The following LMO1 variants were observed in gnomAD, a reference collection of about 807,000 sequenced individuals.
LMO1 encodes rhombotin-1.
LMO1 carries 10 observed loss-of-function variants against 18.0 expected under a neutral mutation model. That is an observed-to-expected ratio of 0.55 (90% CI 0.34 to 0.94). The LOEUF (loss-of-function observed/expected upper bound fraction) is 0.94, where lower values mean the gene tolerates loss of function less well. Ranked by LOEUF, LMO1 falls within the 40% of genes least tolerant of loss-of-function variation. LMO1 has a pLI of 0.02. For missense variants in LMO1, 183 were observed against 205.7 expected (o/e 0.89, Z 0.68); for synonymous variants, 77 against 77.9 (o/e 0.99, Z 0.06).
At chr11:8,246,337 T>C (rs1424525400) in intron 1 of LMO1, among the ~76,000 whole-genome samples, 3 of 152,170 alleles carry the variant, frequency 2.0e-5, no homozygotes, top group Non-Finnish European at 4.4e-5. Context: ...GGTATATACA[T>C]ACAATGGAAT....
intron 1 of LMO1, among the ~76,000 whole-genome samples, chr11:8,239,549 CAGG>C (rs1209138496): frequency 6.6e-6 from 1 of 152,042 alleles, no homozygotes; most frequent in Admixed American, 6.6e-5. Flanking sequence ...CACACGTCCT[CAGG>C]AGGAGGCTGG....
intron 1 of LMO1, among the ~76,000 whole-genome samples, chr11:8,239,036 A>C (rs151315847): frequency 1.3e-5 from 2 of 152,168 alleles, no homozygotes; most frequent in African/African-American, 4.8e-5. Context: ...GCACTAAATG[A>C]TTACCCCCAT....
chr11:8,226,002 C>T (rs1952532773), intron 3 of LMO1, among the ~76,000 whole-genome samples: 1 of 152,164 alleles, frequency 6.6e-6, no homozygotes, highest in African/African-American at 2.4e-5. Context: ...GAGTTGGGGC[C>T]AAGAGACCAG....
chr11:8,237,747 T>C (rs980313536), intron 1 of LMO1, among the ~76,000 whole-genome samples: 1 of 152,224 alleles, frequency 6.6e-6, no homozygotes, highest in South Asian at 2.1e-4. Context: ...GTCAGCTCAG[T>C]AGAGGGACTG....
At chr11:8,268,656 CGCG>C (rs971189411), upstream of LMO1, 18 of 318,654 alleles carry the variant, frequency 5.6e-5, no homozygotes, top group African/African-American at 2.6e-4. Context: ...GGGGGGAAGG[CGCG>C]GGGGCGAGAC....
At chr11:8,257,533 G>C (rs1188276988) in intron 1 of LMO1, among the ~76,000 whole-genome samples, 1 of 152,254 alleles carries the variant, frequency 6.6e-6, no homozygotes, top group African/African-American at 2.4e-5. Flanking sequence ...GCTGTAATCA[G>C]AGTTTTCTAC....
chr11:8,237,983 T>C (rs1206330451), intron 1 of LMO1, among the ~76,000 whole-genome samples: 2 of 152,244 alleles, frequency 1.3e-5, no homozygotes, highest in African/African-American at 2.4e-5. Flanking sequence ...CTTATAACAA[T>C]GTTTGGCATA....
At chr11:8,260,705 C>G (rs1022866239) in intron 1 of LMO1, among the ~76,000 whole-genome samples, 5 of 152,072 alleles carry the variant, frequency 3.3e-5, no homozygotes, top group Non-Finnish European at 5.9e-5. Flanking sequence ...CCCAGCAGAG[C>G]GGGAGCTTTG....
chr11:8,249,765 T>A (rs2134566385), intron 1 of LMO1, among the ~76,000 whole-genome samples: 1 of 152,284 alleles, frequency 6.6e-6, no homozygotes, highest in East Asian at 1.9e-4. Flanking sequence ...TTGGGGTTCC[T>A]TGTCCTCTCT....
intron 1 of LMO1, among the ~76,000 whole-genome samples, chr11:8,241,562 G>A (rs1263349199): frequency 2.0e-5 from 3 of 152,040 alleles, no homozygotes; most frequent in Non-Finnish European, 4.4e-5. Context: ...CCTGCCTCAG[G>A]GCCTTTGCAC....
chr11:8,225,153 C>T (rs1225870570), intron 3 of LMO1, among the ~76,000 whole-genome samples: 1 of 151,578 alleles, frequency 6.6e-6, no homozygotes, highest in East Asian at 1.9e-4. Flanking sequence ...GTGGCTCACA[C>T]CTGTAATCCC....
chr11:8,230,330 G>A lies in LMO1; in HGVS notation c.200C>T (p.Thr67Ile). ...RLGEVGSTLY[T>I]KANLILCRRD... The stretch of plus-strand genomic sequence containing the variant: ...TCGGCACAGGATGAGGTTGGCCTTG[G>A]TGTAGAGGGTGGAGCCCACCTCGCC... The change falls in exon 2 of 4, where the codon ACC (threonine) becomes ATC (isoleucine). Residue 67 changes from threonine (T) to isoleucine (I), a missense_variant. By Grantham distance (89) the Thr-to-Ile change is moderately conservative. Transcript: ENST00000335790. 1.2e-6 allele frequency: 2 copies of A among 1,613,986 alleles called. No individual in the cohort carries two copies. The highest frequency in any genetic ancestry group is 1.7e-6 in the Non-Finnish European group (2 of 1,179,942).
At position 8,247,384 on chromosome 11, in the gene LMO1, G is replaced by A. The variant is rs371272608; in HGVS notation, c.25+15954C>T. Among the ~76,000 whole-genome samples, 5 of 152,340 alleles carry A rather than the reference G, an allele frequency of 3.3e-5. No individual in the cohort carries two copies. The East Asian group carries it at 5.8e-4, about 18-fold the overall frequency. ...CCACGAGGGTAGGAAGGAAAGCAAC[G>A]AGGCTGCCTTTGAAGGGGGAGAGCA... On this transcript the variant is annotated intron_variant, in intron 1 of 3. Transcript: ENST00000335790.
chr11:8,232,829 C>T (rs16937174), intron 1 of LMO1, among the ~76,000 whole-genome samples: 21,766 of 152,168 alleles, frequency 0.14, 2,437 homozygotes, highest in African/African-American at 0.31. Context: ...CAGTGAGAGG[C>T]CCCAGCACGT....
intron 2 of LMO1, among the ~76,000 whole-genome samples, chr11:8,227,397 A>G (rs1952568038): frequency 6.6e-6 from 1 of 152,198 alleles, no homozygotes; most frequent in Non-Finnish European, 1.5e-5. Context: ...CAAGCCCTGG[A>G]GCCACCAAGA....
rs192467029 is a variant in LMO1 at position 8,228,519 on chromosome 11, C to A, written c.240-1419G>T. Among the ~76,000 whole-genome samples, 8 of 152,306 alleles carry A rather than the reference C, an allele frequency of 5.3e-5. No individual in the cohort carries two copies. In the East Asian group the frequency reaches 1.5e-3, roughly 29 times the overall value. ...AGAGGGGCTTTTCTTGCCATCGGCC[C>A]AGGAACAGTTGCTGCAGAGGGCGCA... On this transcript the variant is annotated intron_variant, in intron 2 of 3. Coordinates refer to ENST00000335790, the MANE Select transcript of LMO1 (RefSeq NM_002315.3).
intron 1 of LMO1, among the ~76,000 whole-genome samples, chr11:8,255,818 CTTTTTTTTTTTT>C (rs57425549): frequency 1.2e-5 from 1 of 86,344 alleles, no homozygotes; most frequent in Non-Finnish European, 2.0e-5. Context: ...CAATGCCGCA[CTTTTTTTTTTTT>C]TTTTTTTTTT....
At chr11:8,252,922 G>A (rs1045831447) in intron 1 of LMO1, among the ~76,000 whole-genome samples, 15 of 152,214 alleles carry the variant, frequency 9.9e-5, no homozygotes, top group Middle Eastern at 3.2e-3. Flanking sequence ...AATGTGTTAC[G>A]CAGCTGTAGA....
At chr11:8,247,507 C>G (rs1040304845) in intron 1 of LMO1, among the ~76,000 whole-genome samples, 1 of 152,214 alleles carries the variant, frequency 6.6e-6, no homozygotes, top group Non-Finnish European at 1.5e-5. Context: ...TGGGGCCACA[C>G]TGGGGCAGGG....
Sources: gnomAD v4.1 joint callset for allele counts (sites outside exome capture counted in the v4.1 genomes callset) on GRCh38, gnomAD v4.1.1 for gene constraint, MANE v1.5 for transcripts, NCBI Gene and HGNC (gene_info 2026-07-23, HGNC 2026-07-21) for gene names.